The following CTNNA3 variants were observed in gnomAD, a reference collection of about 807,000 sequenced individuals.
CTNNA3 encodes catenin alpha 3, also known as catenin alpha-3.
Under a neutral mutation model 95.7 loss-of-function variants are expected in CTNNA3, and 76 were observed. That is an observed-to-expected ratio of 0.79 (90% CI 0.66 to 0.96). CTNNA3 has a LOEUF of 0.96. Among genes scored for constraint, CTNNA3 ranks in the 40% least tolerant of loss-of-function variants. The pLI is 0.00. For synonymous variants in CTNNA3, 431 were observed against 374.4 expected, an observed-to-expected ratio of 1.15 and a Z score of -1.74; for missense variants, 1,191 against 1,089.8, an observed-to-expected ratio of 1.09 and a Z score of -1.31.
At chr10:66,430,023 T>C (rs568317571) in intron 11 of CTNNA3, among the ~76,000 whole-genome samples, 24 of 132,894 alleles carry the variant, frequency 1.8e-4, no homozygotes, top group African/African-American at 6.7e-4. Context: ...CAGTCGAAAA[T>C]CTCCTTAAGC....
chr10:66,624,548 T>C (rs1844865710), intron 9 of CTNNA3, among the ~76,000 whole-genome samples: 1 of 152,110 alleles, frequency 6.6e-6, no homozygotes, highest in Non-Finnish European at 1.5e-5. Context: ...GATACAAACA[T>C]TGAGTCTAGA....
At chr10:66,712,655 G>T (rs185317040) in intron 9 of CTNNA3, among the ~76,000 whole-genome samples, 70 of 150,280 alleles carry the variant, frequency 4.7e-4, no homozygotes, top group African/African-American at 1.6e-3. Flanking sequence ...ACTTTCATTG[G>T]CTTACTAACG....
At chr10:66,156,604 G>C (rs575930509) in intron 13 of CTNNA3, among the ~76,000 whole-genome samples, 44 of 151,752 alleles carry the variant, frequency 2.9e-4, no homozygotes, top group South Asian at 8.3e-4. Flanking sequence ...CAATAAAAAT[G>C]TCAAGTGGTG....
At chr10:67,502,305 A>C (rs1251689055) in intron 5 of CTNNA3, among the ~76,000 whole-genome samples, 4 of 152,180 alleles carry the variant, frequency 2.6e-5, no homozygotes, top group Admixed American at 1.3e-4. Flanking sequence ...CGGAGGCTGC[A>C]GAACAGCAAA....
At chr10:67,231,405 G>C (rs1032341563) in intron 5 of CTNNA3, among the ~76,000 whole-genome samples, 5 of 152,206 alleles carry the variant, frequency 3.3e-5, no homozygotes, top group Admixed American at 6.5e-5. Context: ...GCAACCCCTA[G>C]CAGGGGCAGA....
chr10:67,040,354 T>G (rs969786234), intron 7 of CTNNA3, among the ~76,000 whole-genome samples: 5 of 152,070 alleles, frequency 3.3e-5, no homozygotes, highest in African/African-American at 1.2e-4. Flanking sequence ...ACAACCTCAG[T>G]AGTAACTAGG....
chr10:67,114,403 T>G (rs12411852), intron 7 of CTNNA3, among the ~76,000 whole-genome samples: 54,729 of 151,792 alleles, frequency 0.36, 10,250 homozygotes, highest in Middle Eastern at 0.57. Context: ...TGAAATTAAT[T>G]TACAAATCTA....
chr10:66,536,668 T>C (rs923667630), intron 10 of CTNNA3, among the ~76,000 whole-genome samples: 3 of 152,038 alleles, frequency 2.0e-5, no homozygotes, highest in African/African-American at 7.2e-5. Context: ...CTTATGCAGA[T>C]ACTAATGCCT....
In CTNNA3 at chr10:66,775,507, C is replaced by G. The variant is rs1456412824; in HGVS notation, c.1065G>C (p.Arg355Ser). The G allele has an allele frequency of 6.2e-7, 1 of 1,609,576 alleles. No individual in the cohort carries two copies. Among genetic ancestry groups the G allele is most frequent in the Non-Finnish European group, 8.5e-7 (1 of 1,178,148 alleles). The change falls in exon 8 of 18, where the codon AGG (arginine) becomes AGC (serine). Residue 355 changes from arginine (R) to serine (S), a missense_variant. Arg to Ser is a moderately radical substitution (Grantham distance 110). Coordinates refer to ENST00000433211, the MANE Select transcript of CTNNA3 (RefSeq NM_013266.4). ...CTAAAGCAATATTCAGGGTATTACT[C>G]CTTTCTTTTTTTCCAGCCTGCAAAG... ...EYMNNAGKKERSNTLNIALDN... is the reference protein window; with the variant it reads ...EYMNNAGKKESSNTLNIALDN...
At chr10:66,003,706 G>A (rs2078819673) in intron 15 of CTNNA3, among the ~76,000 whole-genome samples, 1 of 152,116 alleles carries the variant, frequency 6.6e-6, no homozygotes, top group South Asian at 2.1e-4. Flanking sequence ...GACTTTATAA[G>A]TCTGAAGATT....
intron 17 of CTNNA3, among the ~76,000 whole-genome samples, chr10:65,952,946 A>C (rs950650466): frequency 1.3e-5 from 2 of 152,238 alleles, no homozygotes; most frequent in African/African-American, 2.4e-5. Context: ...TCCACAGAAC[A>C]GAGTGGTTAC....
intron 5 of CTNNA3, among the ~76,000 whole-genome samples, chr10:67,275,320 G>C (rs1329433656): frequency 6.6e-6 from 1 of 152,106 alleles, no homozygotes; most frequent in Non-Finnish European, 1.5e-5. Flanking sequence ...TGTGGTCCTT[G>C]GCAGCATGGC....
In CTNNA3 at chr10:66,136,305, C is replaced by T. The variant is rs60278934; in HGVS notation, c.1885-33056G>A. Among the ~76,000 whole-genome samples, 127 of 152,248 alleles carry T rather than the reference C, an allele frequency of 8.3e-4. 1 individual carries two copies. The highest frequency in any genetic ancestry group is 2.8e-3 in the African/African-American group (118 of 41,554). On this transcript the variant is annotated intron_variant, in intron 13 of 17. Coordinates refer to ENST00000433211, the MANE Select transcript of CTNNA3 (RefSeq NM_013266.4). ...TTCAGTTTTATTGCCAAATTGTCTT[C>T]AATTCATGTTTTGGTTGTTAAGTGA... is the stretch of plus-strand genomic sequence containing the variant.
chr10:66,776,527 C>G (rs1192265111), intron 7 of CTNNA3, among the ~76,000 whole-genome samples: 1 of 152,132 alleles, frequency 6.6e-6, no homozygotes, highest in African/African-American at 2.4e-5. Context: ...GACTCCCTAA[C>G]AAGAAATTTA....
At chr10:67,539,409 T>A (rs1840590777) in intron 4 of CTNNA3, 94 bp downstream of exon 4, 3 of 1,346,400 alleles carry the variant, frequency 2.2e-6, no homozygotes, top group African/African-American at 1.4e-5. Flanking sequence ...GAAATGAGAG[T>A]GAAGCCAAGA....
At chr10:67,712,585 C>G (rs1589578344) in intron 1 of CTNNA3, among the ~76,000 whole-genome samples, 8 of 152,228 alleles carry the variant, frequency 5.3e-5, no homozygotes, top group Admixed American at 5.2e-4. Flanking sequence ...TCAGAGGGTG[C>G]AAGCCCCAAG....
chr10:66,367,855 TAATAATAATA>T lies in CTNNA3; in HGVS notation c.1732+11287_1732+11296del, dbSNP rs1564902925. On this transcript the variant is annotated intron_variant, in intron 12 of 17. Coordinates refer to ENST00000433211, the MANE Select transcript of CTNNA3 (RefSeq NM_013266.4). Reference sequence around the variant, plus strand: ...CATCTTTTTAAGGCTTCTTTTATAATAATAATAATAATAATAATAATAATAATTATTATTA... The same window carrying T: ...CATCTTTTTAAGGCTTCTTTTATAATATAATAATAATAATAATTATTATTA... Among the ~76,000 whole-genome samples, 19 of 56,122 alleles carry T rather than the reference TAATAATAATA, an allele frequency of 3.4e-4. 1 individual carries two copies. The highest frequency in any genetic ancestry group is 1.9e-3 in the South Asian group (3 of 1,558). The allele number at this position is 56,122 out of a possible 152,430, so 36.8% of individuals were successfully genotyped here.
chr10:66,984,970 A>G (rs554392965), intron 7 of CTNNA3, among the ~76,000 whole-genome samples: 2 of 152,196 alleles, frequency 1.3e-5, no homozygotes, highest in Non-Finnish European at 1.5e-5. Context: ...CTCATTTCCT[A>G]CAATCCTCTC....
chr10:66,019,264 G>A (rs1388700234), intron 15 of CTNNA3, among the ~76,000 whole-genome samples: 2 of 152,094 alleles, frequency 1.3e-5, no homozygotes, highest in African/African-American at 2.4e-5. Flanking sequence ...ATATGTAAAT[G>A]TCTATGTTTT....
Sources: gnomAD v4.1 joint callset for allele counts (sites outside exome capture counted in the v4.1 genomes callset) on GRCh38, gnomAD v4.1.1 for gene constraint, MANE v1.5 for transcripts, NCBI Gene and HGNC (gene_info 2026-07-23, HGNC 2026-07-21) for gene names.